Variants in KRT16 observed in about 807,000 individuals in gnomAD.
The protein encoded by KRT16 is keratin 16.
KRT16 carries 42 observed loss-of-function variants against 44.8 expected under a neutral mutation model. That is an observed-to-expected ratio of 0.94 (90% CI 0.73 to 1.21). The LOEUF (loss-of-function observed/expected upper bound fraction) is 1.21, where lower values mean the gene tolerates loss of function less well. Ranked by LOEUF, KRT16 falls within the 50% of genes most tolerant of loss-of-function variation. The pLI is 0.00. For missense variants in KRT16, 561 were observed against 626.9 expected (o/e 0.89, Z 1.12); for synonymous variants, 226 against 260.4 (o/e 0.87, Z 1.27).
rs780475822 is a variant in KRT16 at position 41,610,569 on chromosome 17, A to G, written c.1060-18T>C. ...GATGCTTTCTGCAAGTGAGAGAGAG[A>G]AAAAGAGTCCATGGAGGTGGTCACT... On this transcript the variant is annotated intron_variant, in intron 5 of 7. Transcript: ENST00000301653. 6.2e-7 allele frequency: 1 copy of G among 1,611,612 alleles called. No individual in the cohort carries two copies.
chr17:41,610,429 C>T lies in KRT16; in HGVS notation c.1182G>A (p.Glu394=). 1 of 1,612,270 alleles carries T rather than the reference C, an allele frequency of 6.2e-7. No homozygotes were observed. The highest frequency in any genetic ancestry group is 8.5e-7 in the Non-Finnish European group (1 of 1,179,874). The change falls in exon 6 of 8, where the codon GAG becomes GAA. Residue 394 remains glutamate (E), a synonymous_variant. Transcript: ENST00000301653. ...EQLAQLRCEM[E]QQSQEYQILL... is the part of the protein sequence containing the mutation. ...AGATCTGGTACTCCTGGCTCTGCTG[C>T]TCCATCTCACAGCGTAGCTGGGCCA...
Position 41,611,053 on chromosome 17 carries a change from C to T in KRT16, c.933+16G>A, listed in dbSNP as rs759698213. 8 of 1,613,906 alleles carry T rather than the reference C, an allele frequency of 5.0e-6. No individual in the cohort carries two copies. The highest frequency in any genetic ancestry group is 1.1e-5 in the South Asian group (1 of 91,084). ...GCTGGGAAGTGCTGCAGGCTCACTG[C>T]GGGCCCGAGCCCCACCTTGCTCAGG... On this transcript the variant is annotated intron_variant, in intron 4 of 7. Coordinates refer to ENST00000301653, the MANE Select transcript of KRT16 (RefSeq NM_005557.4).
intron 4 of KRT16, 44 bp downstream of exon 4, chr17:41,611,025 C>A (rs1437580341): frequency 6.2e-7 from 1 of 1,614,032 alleles, no homozygotes; most frequent in South Asian, 1.1e-5. Flanking sequence ...CCCAAAGCCC[C>A]CAGCTGGGAA....
Position 41,610,894 on chromosome 17 carries a change from A to C in KRT16, c.1019T>G (p.Leu340Arg), listed in dbSNP as rs1456849482. The change falls in exon 5 of 8, where the codon CTC becomes CGC. Residue 340 changes from leucine (L) to arginine (R), a missense_variant. Coordinates refer to ENST00000301653, the MANE Select transcript of KRT16 (RefSeq NM_005557.4). ...RSEVTELRRV[L>R]QGLEIELQSQ... ...CTGCAGCTCAATCTCCAGGCCCTGG[A>C]GCACCCTCCGGAGCTCCGTCACCTC... 8.1e-6 allele frequency: 13 copies of C among 1,613,880 alleles called. No individual in the cohort carries two copies. The highest frequency in any genetic ancestry group is 1.1e-5 in the Non-Finnish European group (13 of 1,180,022).
In KRT16 at chr17:41,612,598, T is replaced by C. The variant is rs944892887; in HGVS notation, c.91A>G (p.Ile31Val). Residue 31 changes from isoleucine (I) to valine (V), a missense_variant, in exon 1 of 8, where the codon ATC (isoleucine) becomes GTC (valine). By Grantham distance (29) the Ile-to-Val change is conservative (BLOSUM62 3). Transcript: ENST00000301653. ...GACCCTCCGGCCAGGACGGAGGAGATGCGGCTGGAGCCGCCCCCGATGCCG... is the reference window on the plus strand; with the variant it reads ...GACCCTCCGGCCAGGACGGAGGAGACGCGGCTGGAGCCGCCCCCGATGCCG... ...GGGIGGGSSR[I>V]SSVLAGGSCR... 6.3e-7 allele frequency: 1 copy of C among 1,595,940 alleles called. No homozygotes were observed. The highest frequency in any genetic ancestry group is 8.5e-7 in the Non-Finnish European group (1 of 1,172,126).
rs768788608 is a variant in KRT16, at chr17:41,610,188, A to G, written c.1327+2T>C. ...AGTGCCGGGGAGCCTCAGAAGCCTT[A>G]CCCTCGCGGGAAGAATAGGATTGGC... On this transcript the variant is annotated splice_donor_variant, in intron 7 of 7. Transcript: ENST00000301653. LOFTEE classifies it high-confidence loss of function. The G allele has an allele frequency of 6.2e-7, 1 of 1,613,924 alleles. No homozygotes were observed. The highest frequency in any genetic ancestry group is 8.5e-7 in the Non-Finnish European group (1 of 1,179,834).
chr17:41,611,889 C>G (rs1337727655), intron 1 of KRT16, 168 bp from the exon 2 acceptor site: 7 of 782,074 alleles, frequency 9.0e-6, no homozygotes, highest in Non-Finnish European at 1.3e-5. Context: ...TGCACTCCAT[C>G]CCGATCACCC....
chr17:41,612,056 C>T lies in KRT16; in HGVS notation c.531+102G>A, dbSNP rs1206897819. The T allele has an allele frequency of 1.5e-5, 22 of 1,425,702 alleles. No homozygotes were observed. In the African/African-American group the frequency reaches 1.8e-4, roughly 12 times the overall value. The allele number at this position is 1,425,702 out of a possible 1,614,324, so 88.3% of individuals were successfully genotyped here. On this transcript the variant is annotated intron_variant, in intron 1 of 7. Transcript: ENST00000301653. ...TGATCCTGGCCACTCCCCAAAGGTG[C>T]CCAGTCTCCCTGTTTGTAAAGTGTA...
chr17:41,610,923 G>A lies in KRT16; in HGVS notation c.990C>T (p.Arg330=). Reference sequence around the variant, plus strand: ...CCCTCCGGAGCTCCGTCACCTCACTGCGGCTGCTCTGTACCAGTTCGCTGT... The same window carrying A: ...CCCTCCGGAGCTCCGTCACCTCACTACGGCTGCTCTGTACCAGTTCGCTGT... ...ASNSELVQSS[R]SEVTELRRVL... is the part of the protein sequence containing the mutation. The change falls in exon 5 of 8, where the codon CGC becomes CGT. Residue 330 remains arginine (R), a synonymous_variant. Coordinates refer to ENST00000301653, the MANE Select transcript of KRT16 (RefSeq NM_005557.4). The A allele has an allele frequency of 1.2e-6, 2 of 1,614,166 alleles. No homozygotes were observed. Among genetic ancestry groups the A allele is most frequent in the Non-Finnish European group, 1.7e-6 (2 of 1,180,024 alleles).
Position 41,610,840 on chromosome 17 carries a change from T to G in KRT16, c.1059+14A>C, listed in dbSNP as rs762021081. ...GGTGACTTGGGGGCTGCTGCTGTGC[T>G]GGGTCCTTCATACCATGCTGAGCTG... On this transcript the variant is annotated intron_variant, in intron 5 of 7. Transcript: ENST00000301653. 7 of 1,613,492 alleles carry G rather than the reference T, an allele frequency of 4.3e-6. No individual in the cohort carries two copies. In the East Asian group the frequency reaches 1.6e-4, roughly 36 times the overall value.
chr17:41,612,589 C>CGGAGGAGA lies in KRT16; in HGVS notation c.92_99dup (p.Val34SerfsTer89). ...GCACGGCAGGACCCTCCGGCCAGGACGGAGGAGATGCGGCTGGAGCCGCCC... is the reference window on the plus strand; with the variant it reads ...GCACGGCAGGACCCTCCGGCCAGGACGGAGGAGAGGAGGAGATGCGGCTGGAGCCGCCC... On this transcript the variant is annotated frameshift_variant, in exon 1 of 8. Transcript: ENST00000301653. LOFTEE classifies it high-confidence loss of function. 1 of 1,596,528 alleles carries CGGAGGAGA rather than the reference C, an allele frequency of 6.3e-7. No homozygotes were observed. The highest frequency in any genetic ancestry group is 8.5e-7 in the Non-Finnish European group (1 of 1,172,246).
chr17:41,611,967 G>A (rs1331373914), intron 1 of KRT16, 191 bp downstream of exon 1: 2 of 831,446 alleles, frequency 2.4e-6, no homozygotes, highest in Non-Finnish European at 4.0e-6. Context: ...AGAGATTTAG[G>A]GTAACAGCCC....
chr17:41,612,644 C>T lies in KRT16; in HGVS notation c.45G>A (p.Lys15=). Residue 15 remains lysine, a synonymous_variant, in exon 1 of 8, where the codon AAG becomes AAA. Transcript: ENST00000301653. ...SRQFTSSSSM[K]GSCGIGGGIG... The stretch of plus-strand genomic sequence containing the variant: ...TGCCGCCTCCGATGCCGCAGGAGCC[C>T]TTCATGGAGCTGGAGGAGGTGAACT... The T allele has an allele frequency of 6.2e-7, 1 of 1,601,928 alleles. No homozygotes were observed. Among genetic ancestry groups the T allele is most frequent in the Non-Finnish European group, 8.5e-7 (1 of 1,175,216 alleles).
chr17:41,611,287 T>G lies in KRT16; in HGVS notation c.772-57A>C, dbSNP rs1908187319. 11 of 1,613,800 alleles carry G rather than the reference T, an allele frequency of 6.8e-6. No individual in the cohort carries two copies. In the East Asian group the frequency reaches 2.5e-4, roughly 36 times the overall value. On this transcript the variant is annotated intron_variant, in intron 3 of 7. Coordinates refer to ENST00000301653, the MANE Select transcript of KRT16 (RefSeq NM_005557.4). ...AGCAGACTTCTCTCCTGGCCCTGGG[T>G]GCATCTGGCAACCCCACCAAACCAG...
chr17:41,610,761 G>A (rs1239334921), intron 5 of KRT16, 93 bp downstream of exon 5: 2 of 1,593,522 alleles, frequency 1.3e-6, no homozygotes, highest in East Asian at 2.2e-5. Context: ...CCCATCCTGA[G>A]AAAAGAAAGG....
At position 41,610,850 on chromosome 17, in the gene KRT16, A is replaced by C; in HGVS notation, c.1059+4T>G. On this transcript the variant is annotated splice_donor_region_variant and intron_variant, in intron 5 of 7. Coordinates refer to ENST00000301653, the MANE Select transcript of KRT16 (RefSeq NM_005557.4). Reference sequence around the variant, plus strand: ...GGGCTGCTGCTGTGCTGGGTCCTTCATACCATGCTGAGCTGGGACTGCAGC... The same window carrying C: ...GGGCTGCTGCTGTGCTGGGTCCTTCCTACCATGCTGAGCTGGGACTGCAGC... 6.2e-7 allele frequency: 1 copy of C among 1,613,796 alleles called. No individual in the cohort carries two copies. The highest frequency in any genetic ancestry group is 8.5e-7 in the Non-Finnish European group (1 of 1,180,022).
At chr17:41,611,252 C>A (rs775511623) in intron 3 of KRT16, 22 bp from the exon 4 acceptor site, 1 of 1,613,806 alleles carries the variant, frequency 6.2e-7, no homozygotes, top group Non-Finnish European at 8.5e-7. Flanking sequence ...TGGCAGGAGG[C>A]GGTCAGTTCA....
At position 41,610,036 on chromosome 17, in the gene KRT16, G is replaced by A. The variant is rs1908129741; in HGVS notation, c.1328-7C>T. ...GACGAGGAGGAGGTGAAGACTGTGG[G>A]AGAGAGAAGAGGAGGTGAGAAGGGG... On this transcript the variant is annotated splice_region_variant and splice_polypyrimidine_tract_variant and intron_variant, in intron 7 of 7. Coordinates refer to ENST00000301653, the MANE Select transcript of KRT16 (RefSeq NM_005557.4). 2 of 1,602,260 alleles carry A rather than the reference G, an allele frequency of 1.2e-6. No homozygotes were observed. The highest frequency in any genetic ancestry group is 1.7e-6 in the Non-Finnish European group (2 of 1,171,264).
In KRT16 at chr17:41,612,567, C is replaced by T. The variant is rs1133106; in HGVS notation, c.122G>A (p.Arg41His). The change falls in exon 1 of 8, where the codon CGT (arginine) becomes CAT (histidine). Residue 41 changes from arginine (R) to histidine (H), a missense_variant. Transcript: ENST00000301653. ...ISSVLAGGSC[R>H]APSTYGGGLS... is the part of the protein sequence containing the mutation. The stretch of plus-strand genomic sequence containing the variant: ...GCCGCCCCCGTAGGTGCTGGGGGCA[C>T]GGCAGGACCCTCCGGCCAGGACGGA... The T allele has an allele frequency of 2.7e-5, 43 of 1,594,570 alleles. 1 individual carries two copies. In the South Asian group the frequency reaches 3.8e-4, roughly 14 times the overall value.
Sources: allele counts gnomAD v4.1 joint callset, GRCh38; gene constraint gnomAD v4.1.1; transcripts MANE v1.5; gene names NCBI Gene and HGNC (gene_info 2026-07-23, HGNC 2026-07-21).